PCDHGB1: variants seen among roughly 807,000 people sequenced by gnomAD.
The protein encoded by PCDHGB1 is protocadherin gamma-B1.
PCDHGB1 carries 34 observed loss-of-function variants against 56.6 expected under a neutral mutation model. That is an observed-to-expected ratio of 0.60 (90% confidence interval 0.46 to 0.80). PCDHGB1 has a LOEUF of 0.80. Among genes scored for constraint, PCDHGB1 ranks in the 30% least tolerant of loss-of-function variants. The pLI is 0.00. For missense variants in PCDHGB1, 1,278 were observed against 1,204.6 expected, an observed-to-expected ratio of 1.06 and a Z score of -0.90; for synonymous variants, 561 against 505.9, an observed-to-expected ratio of 1.11 and a Z score of -1.46.
Position 141,390,510 on chromosome 5 carries a change from TAA to T in PCDHGB1, c.2409+37843_2409+37844del. The T allele has an allele frequency of 5.1e-6, 3 of 587,534 alleles. No homozygotes were observed. The South Asian group carries it at 6.4e-5, about 13-fold the overall frequency. 36.4% of individuals were successfully genotyped at this position (587,534 alleles called of 1,614,324 possible). A position where few individuals can be genotyped will look rare whatever the true frequency, so the allele number is the denominator to read the frequency against. The stretch of plus-strand genomic sequence containing the variant: ...TGTTTTTTAGCCAAGCTTAGATTTA[TAA>T]AGCAATGAGGGTGTGGTTTTAACCA... On this transcript the variant is annotated intron_variant, in intron 1 of 3. Transcript: ENST00000523390.
At chr5:141,455,503 T>C (rs1005615473) in intron 1 of PCDHGB1, among the ~76,000 whole-genome samples, 3 of 152,302 alleles carry the variant, frequency 2.0e-5, no homozygotes, top group Middle Eastern at 3.4e-3. Context: ...CTGATTTGCA[T>C]AGGGCTCAGG....
chr5:141,384,138 AAC>A (rs758587148), intron 1 of PCDHGB1: 5 of 1,612,622 alleles, frequency 3.1e-6, no homozygotes, highest in Non-Finnish European at 4.2e-6. Flanking sequence ...TGGACCGGGA[AAC>A]ACTCTCTTTG....
At chr5:141,418,310 G>A in intron 1 of PCDHGB1, 1 of 1,613,990 alleles carries the variant, frequency 6.2e-7, no homozygotes, top group Non-Finnish European at 8.5e-7. Context: ...CCTGGGGATG[G>A]GAACAATTCT....
intron 1 of PCDHGB1, among the ~76,000 whole-genome samples, chr5:141,369,256 A>G (rs1385163233): frequency 6.6e-6 from 1 of 152,192 alleles, no homozygotes. Context: ...AAATAATATA[A>G]TTATAAGGAC....
intron 1 of PCDHGB1, among the ~76,000 whole-genome samples, chr5:141,397,708 T>A (rs1409305799): frequency 6.6e-6 from 1 of 152,250 alleles, no homozygotes; most frequent in East Asian, 1.9e-4. Context: ...ACGTGATATT[T>A]CTAACAATTT....
At chr5:141,366,133 C>A (rs777240886) in intron 1 of PCDHGB1, 1 of 1,614,216 alleles carries the variant, frequency 6.2e-7, no homozygotes, top group East Asian at 2.2e-5. Flanking sequence ...CAGGCCAGAA[C>A]GCCTGGCTGT....
At chr5:141,357,106 GAC>G in intron 1 of PCDHGB1, 1 of 1,613,886 alleles carries the variant, frequency 6.2e-7, no homozygotes, top group Non-Finnish European at 8.5e-7. Context: ...GCTGGACAGA[GAC>G]GCGCTCAAGC....
At chr5:141,419,918 G>C (rs370039875) in intron 1 of PCDHGB1, 30 of 1,613,978 alleles carry the variant, frequency 1.9e-5, no homozygotes, top group Non-Finnish European at 2.5e-5. Flanking sequence ...CTCCCAGGCT[G>C]AGATGCAGTT....
At chr5:141,413,117 C>T (rs902301902) in intron 1 of PCDHGB1, 42 of 1,509,002 alleles carry the variant, frequency 2.8e-5, no homozygotes, top group Non-Finnish European at 3.6e-5. Flanking sequence ...ACAAAGGAAC[C>T]GGTTGAAACA....
chr5:141,352,200 A>G lies in PCDHGB1; in HGVS notation c.1940A>G (p.Gln647Arg). 6.2e-7 allele frequency: 1 copy of G among 1,613,934 alleles called. No individual in the cohort carries two copies. Among genetic ancestry groups the G allele is most frequent in the Non-Finnish European group, 8.5e-7 (1 of 1,179,886 alleles). Residue 647 changes from glutamine (Q) to arginine (R), a missense_variant, in exon 1 of 4, where the codon CAG (glutamine) becomes CGG (arginine). Transcript: ENST00000523390. ...CTGGTCGCTGTGCGTGATGGAGGAC[A>G]GCCGCCACTCTCCGCCACCGCCACG... is the stretch of plus-strand genomic sequence containing the variant. ...RLLVAVRDGG[Q>R]PPLSATATLH...
chr5:141,417,833 G>A (rs968698994), intron 1 of PCDHGB1: 8 of 1,529,614 alleles, frequency 5.2e-6, no homozygotes, highest in Middle Eastern at 1.7e-4. Context: ...TGGAAAAGCG[G>A]GGACCCAGCG....
In PCDHGB1 at chr5:141,408,106, G is replaced by A. The variant is rs1474157141; in HGVS notation, c.2409+55437G>A. The A allele has an allele frequency of 8.3e-6, 12 of 1,444,288 alleles. No individual in the cohort carries two copies. In the East Asian group the frequency reaches 2.7e-4, roughly 33 times the overall value. 89.5% of individuals were successfully genotyped at this position (1,444,288 alleles called of 1,614,324 possible). On this transcript the variant is annotated intron_variant, in intron 1 of 3. Transcript: ENST00000523390. ...AGCGGATTGCCAGCTCCGAGACCCG[G>A]GACTCCTCCTGTCCTGGGCCGAATG...
intron 1 of PCDHGB1, among the ~76,000 whole-genome samples, chr5:141,450,112 T>G (rs2098669735): frequency 6.6e-6 from 1 of 150,618 alleles, no homozygotes; most frequent in Non-Finnish European, 1.5e-5. Context: ...GTTCAAATGA[T>G]TCTCCTGCCT....
At chr5:141,366,801 C>T (rs1185271007) in intron 1 of PCDHGB1, 2 of 1,564,024 alleles carry the variant, frequency 1.3e-6, no homozygotes, top group African/African-American at 1.4e-5. Context: ...CATTTGTTTC[C>T]TTTTTCATGT....
intron 1 of PCDHGB1, chr5:141,361,905 G>C (rs753577656): frequency 6.2e-7 from 1 of 1,608,996 alleles, no homozygotes. Flanking sequence ...TGGTGACCAA[G>C]GTGGTGGCGG....
At chr5:141,461,603 G>A (rs1413122199) in intron 1 of PCDHGB1, among the ~76,000 whole-genome samples, 8 of 152,092 alleles carry the variant, frequency 5.3e-5, no homozygotes, top group African/African-American at 1.9e-4. Context: ...TTATAATTTA[G>A]TTCAAAGTAT....
chr5:141,432,196 C>G lies in PCDHGB1; in HGVS notation c.2410-62611C>G, dbSNP rs200790843. ...TCGTCTCTGTGACCGCCCACGACCC[C>G]GACTGTGAAGAGAACGCCCAGATCA... On this transcript the variant is annotated intron_variant, in intron 1 of 3. Transcript: ENST00000523390. The surrounding 1 kb of genome is among the most constrained non-coding windows in gnomAD (Gnocchi z 6.0). The G allele has an allele frequency of 6.2e-7, 1 of 1,614,192 alleles. No individual in the cohort carries two copies. Among genetic ancestry groups the G allele is most frequent in the East Asian group, 2.2e-5 (1 of 44,880 alleles).
chr5:141,409,183 C>G (rs1217234895), intron 1 of PCDHGB1: 6 of 1,614,028 alleles, frequency 3.7e-6, no homozygotes, highest in Non-Finnish European at 5.1e-6. Context: ...GAGGTGGTCT[C>G]TCTACCCAGT....
chr5:141,479,003 C>T (rs2099485569), intron 1 of PCDHGB1, among the ~76,000 whole-genome samples: 1 of 152,176 alleles, frequency 6.6e-6, no homozygotes, highest in South Asian at 2.1e-4. Context: ...AAACTAATAG[C>T]TTTTTGATAA....
Sources: allele counts gnomAD v4.1 joint callset (sites outside exome capture counted in the v4.1 genomes callset), GRCh38; gene constraint gnomAD v4.1.1; non-coding constraint Gnocchi (gnomAD v3.1); transcripts MANE v1.5; gene names NCBI Gene and HGNC (gene_info 2026-07-23, HGNC 2026-07-21).